The following DMD variants were observed in gnomAD, a reference collection of about 807,000 sequenced individuals.
DMD encodes the protein dystrophin.
Under a neutral mutation model 330.1 loss-of-function variants are expected in DMD, and 63 were observed. The ratio of observed to expected loss-of-function variants is 0.19; its 90% CI spans 0.16 to 0.24. The LOEUF is 0.24. Ranked by LOEUF, DMD falls within the 10% of genes least tolerant of loss-of-function variation. DMD has a pLI of 1.00. For synonymous variants in DMD, 1,223 were observed against 959.8 expected, an observed-to-expected ratio of 1.27 and a Z score of -5.07; for missense variants, 3,344 against 2,684.1, an observed-to-expected ratio of 1.25 and a Z score of -5.43.
chrX:31,846,012 G>A (rs1195253158), intron 48 of DMD, among the ~76,000 whole-genome samples: 4 of 110,440 alleles, frequency 3.6e-5, no homozygotes, highest in Non-Finnish European at 7.6e-5. Flanking sequence ...TTAGGTATTC[G>A]CCTCCACAGG....
At position 31,679,655 on chromosome X, in the gene DMD, T is replaced by C. The variant is rs1014251939; in HGVS notation, c.7661-69A>G. ...CTGGAGGAGACATTTTAAATGTAAC[T>C]TCCAAACGTTATCTCACATTTATGT... is the stretch of plus-strand genomic sequence containing the variant. On this transcript the variant is annotated intron_variant, in intron 52 of 78. Transcript: ENST00000357033. 4.5e-5 allele frequency: 40 copies of C among 895,110 alleles called. No homozygotes were observed. In the Middle Eastern group the frequency reaches 1.1e-3, roughly 25 times the overall value. 73.8% of individuals were successfully genotyped at this position (895,110 alleles called of 1,213,427 possible).
At chrX:33,070,235 A>G (rs2094724918) in intron 1 of DMD, among the ~76,000 whole-genome samples, 1 of 111,733 alleles carries the variant, frequency 8.9e-6, no homozygotes, top group African/African-American at 3.3e-5. Context: ...ACGTAGTCAC[A>G]TGTATATATG....
At chrX:32,755,574 C>T (rs2071404170) in intron 7 of DMD, among the ~76,000 whole-genome samples, 1 of 111,818 alleles carries the variant, frequency 8.9e-6, no homozygotes, top group Admixed American at 9.5e-5. Flanking sequence ...TGTTTTATAA[C>T]TCAATGATGT....
chrX:31,453,784 A>AAAAAAAAAAAAAAAAAAAT (rs2065949684), intron 59 of DMD, among the ~76,000 whole-genome samples: 1 of 105,157 alleles, frequency 9.5e-6, no homozygotes, highest in Admixed American at 1.0e-4. Context: ...AAAAAAAAAA[A>AAAAAAAAAAAAAAAAAAAT]AAAAAACCAC....
At chrX:33,025,104 G>A (rs1181540035) in intron 1 of DMD, among the ~76,000 whole-genome samples, 4 of 111,636 alleles carry the variant, frequency 3.6e-5, no homozygotes, top group Admixed American at 1.9e-4. Context: ...TAAATTTAAA[G>A]CGTATTATAG....
chrX:33,095,530 T>C (rs1409119), intron 1 of DMD, among the ~76,000 whole-genome samples: 43,261 of 111,422 alleles, frequency 0.39, 7,902 homozygotes, highest in African/African-American at 0.72. Context: ...TTCACTAATT[T>C]ACATTCGATT....
chrX:32,821,773 A>G (rs921687118), intron 5 of DMD, among the ~76,000 whole-genome samples: 2 of 110,913 alleles, frequency 1.8e-5, no homozygotes, highest in African/African-American at 6.6e-5. Context: ...ATGGACAGAA[A>G]TAGATTGACA....
At chrX:32,920,924 GT>G (rs1163859910) in intron 2 of DMD, among the ~76,000 whole-genome samples, 1 of 111,787 alleles carries the variant, frequency 8.9e-6, no homozygotes, top group Non-Finnish European at 1.9e-5. Context: ...CAAAGAAGGT[GT>G]TTTTTTGGAT....
chrX:33,269,013 G>A (rs1293396854), intron 1 of DMD, among the ~76,000 whole-genome samples: 1 of 110,590 alleles, frequency 9.0e-6, no homozygotes, highest in Admixed American at 9.7e-5. Flanking sequence ...TTCAGCCCCC[G>A]TGGCAAGCAG....
intron 1 of DMD, among the ~76,000 whole-genome samples, chrX:33,246,830 C>T (rs1279147542): frequency 2.7e-5 from 3 of 109,954 alleles, no homozygotes; most frequent in African/African-American, 9.9e-5. Context: ...GGATTACAGG[C>T]GCACACCACC....
intron 7 of DMD, among the ~76,000 whole-genome samples, chrX:32,791,720 G>A (rs1281687553): frequency 9.0e-6 from 1 of 111,706 alleles, no homozygotes; most frequent in African/African-American, 3.3e-5. Flanking sequence ...AATGAGCAAA[G>A]CCTATGTGAC....
chrX:32,543,733 G>A (rs1388464619), intron 17 of DMD, among the ~76,000 whole-genome samples: 1 of 111,775 alleles, frequency 8.9e-6, no homozygotes, highest in East Asian at 2.8e-4. Context: ...GGAAGTTCCT[G>A]AAAGTTGTTG....
At chrX:32,333,989 G>T (rs2097693255) in intron 41 of DMD, among the ~76,000 whole-genome samples, 1 of 110,995 alleles carries the variant, frequency 9.0e-6, no homozygotes, top group Non-Finnish European at 1.9e-5. Flanking sequence ...CCACGCATTT[G>T]AAGTGAGGGG....
intron 1 of DMD, among the ~76,000 whole-genome samples, chrX:33,089,921 G>A (rs895685864): frequency 9.0e-6 from 1 of 111,361 alleles, no homozygotes; most frequent in Non-Finnish European, 1.9e-5. Flanking sequence ...AGGAGAAGGA[G>A]CAAGAAGTTC....
intron 17 of DMD, among the ~76,000 whole-genome samples, chrX:32,539,633 A>G (rs1352741184): frequency 8.9e-6 from 1 of 111,855 alleles, no homozygotes; most frequent in Non-Finnish European, 1.9e-5. Flanking sequence ...TATAATCAAT[A>G]TCTAAAACAA....
chrX:32,056,754 C>T (rs1245576866), intron 44 of DMD, among the ~76,000 whole-genome samples: 1 of 111,106 alleles, frequency 9.0e-6, no homozygotes, highest in Non-Finnish European at 1.9e-5. Flanking sequence ...GAGAAGAGAA[C>T]ACTTCCAAGC....
chrX:31,804,279 C>CTA (rs1308809470), intron 50 of DMD, among the ~76,000 whole-genome samples: 1 of 111,784 alleles, frequency 8.9e-6, no homozygotes, highest in African/African-American at 3.3e-5. Context: ...CCTGGGTGTT[C>CTA]TATTCGCGTT....
chrX:32,317,030 C>T (rs2097584904), intron 41 of DMD, among the ~76,000 whole-genome samples: 1 of 111,014 alleles, frequency 9.0e-6, no homozygotes, highest in South Asian at 3.7e-4. Flanking sequence ...TTCATTAACT[C>T]TGCCTTGAAT....
At chrX:31,185,698 T>C (rs1325600684) in intron 67 of DMD, among the ~76,000 whole-genome samples, 1 of 111,794 alleles carries the variant, frequency 8.9e-6, no homozygotes, top group Non-Finnish European at 1.9e-5. Context: ...TATGGTTTGC[T>C]ATTTCTTCTG....
Sources: gnomAD v4.1 joint callset for allele counts (sites outside exome capture counted in the v4.1 genomes callset) on GRCh38, gnomAD v4.1.1 for gene constraint, MANE v1.5 for transcripts, NCBI Gene and HGNC (gene_info 2026-07-23, HGNC 2026-07-21) for gene names.